TP53BP1: variants seen among roughly 807,000 people sequenced by gnomAD.
TP53BP1 encodes TP53-binding protein 1.
A neutral mutation model predicts 200.8 loss-of-function variants in TP53BP1; 61 were observed. The ratio of observed to expected loss-of-function variants is 0.30; its 90% CI spans 0.25 to 0.38. The LOEUF is 0.38. TP53BP1 is among the 10% of genes least tolerant of loss of function. The pLI, the probability that TP53BP1 is intolerant of heterozygous loss-of-function variation, is 1.00. For missense variants in TP53BP1, 2,144 were observed against 2,371.9 expected (o/e 0.90, Z 2.00); for synonymous variants, 822 against 844.3 (o/e 0.97, Z 0.46).
intron 17 of TP53BP1, among the ~76,000 whole-genome samples, chr15:43,431,775 C>G (rs576743829): frequency 1.3e-5 from 2 of 152,182 alleles, no homozygotes; most frequent in Admixed American, 6.5e-5. Flanking sequence ...CGTGCTGCTT[C>G]TTTCCCCCTT....
At chr15:43,428,306 TC>T in intron 17 of TP53BP1, 138 bp from the exon 18 acceptor site, 1 of 753,774 alleles carries the variant, frequency 1.3e-6, no homozygotes, top group Non-Finnish European at 2.1e-6. Flanking sequence ...TTTTGTTTTA[TC>T]CACCTATAGG....
rs777669636 is a variant in TP53BP1, at chr15:43,456,328, A to G, written c.2280T>C (p.Ser760=). ...GCTCTTTCACATCTACAATGACAAC[A>G]CTGGAGTCCTCTGAAGTAGCTTCTT... The part of the protein sequence containing the change: ...AWEEATSEDS[S]VVIVDVKEPS... Residue 760 remains serine (S), a synonymous_variant, in exon 12 of 28, where the codon AGT becomes AGC. Coordinates refer to ENST00000382044, the MANE Select transcript of TP53BP1 (RefSeq NM_001141980.3). 5.6e-5 allele frequency: 90 copies of G among 1,613,898 alleles called. No homozygotes were observed. The highest frequency in any genetic ancestry group is 8.0e-5 in the African/African-American group (6 of 74,924).
At chr15:43,503,016 C>T (rs1478834534) in intron 1 of TP53BP1, among the ~76,000 whole-genome samples, 4 of 145,234 alleles carry the variant, frequency 2.8e-5, no homozygotes, top group Non-Finnish European at 4.4e-5. Context: ...GCCTCCAAAA[C>T]TGCTGGGATT....
intron 24 of TP53BP1, among the ~76,000 whole-genome samples, chr15:43,410,933 TAAATGG>T (rs1394969810): frequency 6.6e-6 from 1 of 152,204 alleles, no homozygotes; most frequent in African/African-American, 2.4e-5. Flanking sequence ...ACAGAAACTC[TAAATGG>T]TTATAAGAAA....
chr15:43,403,699 A>G lies in TP53BP1; in HGVS notation c.*3684T>C. On this transcript the variant is annotated 3_prime_UTR_variant, in exon 28 of 28. Coordinates refer to ENST00000382044, the MANE Select transcript of TP53BP1 (RefSeq NM_001141980.3). ...CCCGGGTAGGTGTTTCACTGCCTGA[A>G]TGAAATCCTAGATCTCTGTCACAGT... 6.2e-7 allele frequency: 1 copy of G among 1,612,646 alleles called. No individual in the cohort carries two copies. Among genetic ancestry groups the G allele is most frequent in the East Asian group, 2.2e-5 (1 of 44,872 alleles).
At position 43,482,808 on chromosome 15, in the gene TP53BP1, T is replaced by C. The variant is rs559582561; in HGVS notation, c.372-1786A>G. On this transcript the variant is annotated intron_variant, in intron 4 of 27. Coordinates refer to ENST00000382044, the MANE Select transcript of TP53BP1 (RefSeq NM_001141980.3). Reference sequence around the variant, plus strand: ...TAACCAGTGTGGTGTCATGTGCCTGTAGTCCCAGCTACTTGGGAGGCTGAA... The same window carrying C: ...TAACCAGTGTGGTGTCATGTGCCTGCAGTCCCAGCTACTTGGGAGGCTGAA... Among the ~76,000 whole-genome samples the C allele has an allele frequency of 4.2e-4, 64 of 151,998 alleles. No homozygotes were observed. In the South Asian group the frequency reaches 0.012, roughly 30 times the overall value.
rs1388238270 is a variant in TP53BP1, at chr15:43,456,454, T to C, written c.2154A>G (p.Ser718=). The C allele has an allele frequency of 6.4e-7, 1 of 1,568,878 alleles. No homozygotes were observed. The highest frequency in any genetic ancestry group is 1.2e-5 in the South Asian group (1 of 81,312). ...CACTGGTTTCAACTTCCATAGCTTC[T>C]GAGCATTCTTTTTTTGGCATTTCCT... ...LQKEMPKKEC[S]EAMEVETSVI... is the part of the protein sequence containing the mutation. The change falls in exon 12 of 28, where the codon TCA becomes TCG. Residue 718 remains serine, a synonymous_variant. Transcript: ENST00000382044.
intron 10 of TP53BP1, among the ~76,000 whole-genome samples, chr15:43,472,547 AAATG>A (rs747153440): frequency 6.6e-5 from 10 of 152,354 alleles, no homozygotes; most frequent in Middle Eastern, 3.4e-3. Flanking sequence ...TCAAAGGAGT[AAATG>A]AATGAAGTTA....
rs571464721 is a variant in TP53BP1, at chr15:43,438,256, T to C, written c.3191+68A>G. 9.8e-5 allele frequency: 136 copies of C among 1,381,176 alleles called. 1 individual carries two copies. In the South Asian group the frequency reaches 1.4e-3, roughly 14 times the overall value. The allele number at this position is 1,381,176 out of a possible 1,614,324, so 85.6% of individuals were successfully genotyped here. A position where few individuals can be genotyped will look rare whatever the true frequency, so the allele number is the denominator to read the frequency against. On this transcript the variant is annotated intron_variant, in intron 16 of 27. Transcript: ENST00000382044. The stretch of plus-strand genomic sequence containing the variant: ...ATTCAAACCACAGCACAGTACATAT[T>C]AGGATTTGGGCACTAACCATTTTGT...
chr15:43,446,740 C>G, intron 13 of TP53BP1, 150 bp from the exon 14 acceptor site: 5 of 1,509,856 alleles, frequency 3.3e-6, no homozygotes, highest in East Asian at 2.4e-5. Context: ...TCATAAGTAT[C>G]AACAACTACG....
chr15:43,493,234 G>A (rs2079154736), upstream of TP53BP1: 1 of 1,458,374 alleles, frequency 6.9e-7, no homozygotes, highest in Admixed American at 2.4e-5. Context: ...TCCCGTGGAT[G>A]ATAGGTAGCT....
At chr15:43,432,762 T>G (rs1409698306) in intron 16 of TP53BP1, 85 bp from the exon 17 acceptor site, 1 of 1,417,782 alleles carries the variant, frequency 7.1e-7, no homozygotes, top group Admixed American at 2.3e-5. Flanking sequence ...TGTGTGTGTG[T>G]AGTGGCAAGG....
At chr15:43,499,162 A>T (rs997116131) in intron 1 of TP53BP1, among the ~76,000 whole-genome samples, 1 of 152,202 alleles carries the variant, frequency 6.6e-6, no homozygotes, top group Non-Finnish European at 1.5e-5. Context: ...ACTGTGTCCT[A>T]GTGGCTGAGC....
intron 11 of TP53BP1, among the ~76,000 whole-genome samples, chr15:43,463,620 C>T (rs867201820): frequency 1.3e-5 from 2 of 151,938 alleles, no homozygotes; most frequent in Non-Finnish European, 2.9e-5. Context: ...AAAAAGAGAA[C>T]AGAAGAAAAG....
At position 43,456,512 on chromosome 15, in the gene TP53BP1, G is replaced by A; in HGVS notation, c.2096C>T (p.Thr699Ile). 1 of 1,594,666 alleles carries A rather than the reference G, an allele frequency of 6.3e-7. No individual in the cohort carries two copies. The highest frequency in any genetic ancestry group is 8.5e-7 in the Non-Finnish European group (1 of 1,171,658). Residue 699 changes from threonine to isoleucine, a missense_variant, in exon 12 of 28, where the codon ACT (threonine) becomes ATT (isoleucine). By Grantham distance (89) the Thr-to-Ile change is moderately conservative. This residue lies in a region of TP53BP1 where 1,700 missense variants were observed against 1,710.3 expected (regional missense o/e 0.99). Transcript: ENST00000382044. ...MESVPLHLSL[T>I]ETQSQGLCLQ... ...ACACAACCCTTGGGACTGAGTTTCA[G>A]TCAGAGAAAGGTGCAACGGAACACT...
intron 24 of TP53BP1, among the ~76,000 whole-genome samples, chr15:43,411,761 A>G (rs553952623): frequency 6.6e-6 from 1 of 152,358 alleles, no homozygotes; most frequent in Non-Finnish European, 1.5e-5. Context: ...TTATGAGTAC[A>G]GTTTTATTAC....
intron 18 of TP53BP1, among the ~76,000 whole-genome samples, chr15:43,426,508 C>CTGA (rs2045537675): frequency 6.8e-6 from 1 of 147,856 alleles, no homozygotes; most frequent in African/African-American, 2.5e-5. Context: ...CCAATGAAAT[C>CTGA]TGAATAATCT....
chr15:43,493,265 A>T, upstream of TP53BP1: 10 of 1,406,600 alleles, frequency 7.1e-6, no homozygotes, highest in Non-Finnish European at 9.3e-6. Context: ...GCCCTGCCCC[A>T]CGTAAGAAAA....
intron 14 of TP53BP1, 87 bp from the exon 15 acceptor site, chr15:43,441,670 G>A (rs1433167691): frequency 1.2e-6 from 1 of 809,704 alleles, no homozygotes; most frequent in African/African-American, 1.7e-5. Flanking sequence ...TGCTCTACTA[G>A]TATTTGCAAA....
Sources: gnomAD v4.1 joint callset for allele counts (sites outside exome capture counted in the v4.1 genomes callset) on GRCh38, gnomAD v4.1.1 for gene constraint, gnomAD v4.1.1 regional missense constraint, MANE v1.5 for transcripts, NCBI Gene and HGNC (gene_info 2026-07-23, HGNC 2026-07-21) for gene names.